FANCI: variants seen among roughly 807,000 people sequenced by gnomAD.
FANCI encodes FA complementation group I.
Under a neutral mutation model 176.1 loss-of-function variants are expected in FANCI, and 156 were observed. That is an observed-to-expected ratio of 0.89 (90% CI 0.78 to 1.01). FANCI has a LOEUF of 1.01. FANCI is among the 50% of genes least tolerant of loss of function. The pLI, the probability that FANCI is intolerant of heterozygous loss-of-function variation, is 0.00. For missense variants in FANCI, 1,678 were observed against 1,534.1 expected (o/e 1.09, Z -1.57); for synonymous variants, 613 against 541.7 (o/e 1.13, Z -1.83).
At chr15:89,248,208 G>T (rs553669930) in intron 2 of FANCI, among the ~76,000 whole-genome samples, 6 of 152,138 alleles carry the variant, frequency 3.9e-5, no homozygotes, top group Non-Finnish European at 7.4e-5. Context: ...TATAAAATGG[G>T]ATAGTAATTG....
In FANCI at chr15:89,305,124, T is replaced by C. The variant is rs1213457047; in HGVS notation, c.3068T>C (p.Leu1023Ser). The C allele has an allele frequency of 6.2e-7, 1 of 1,614,192 alleles. No homozygotes were observed. Among genetic ancestry groups the C allele is most frequent in the Non-Finnish European group, 8.5e-7 (1 of 1,180,032 alleles). ...ICKENSREDA[L>S]FCKSLMNLLF... ...TTCTTCCTATTCCTAGAGGATGCCT[T>C]GTTTTGCAAGAGCTTGATGAACTTG... Residue 1023 changes from leucine to serine, a missense_variant, in exon 29 of 38, where the codon TTG becomes TCG. Leu to Ser is a moderately radical substitution (Grantham distance 145, BLOSUM62 -2). Around this residue, in one of 3 missense-constraint regions of FANCI, gnomAD observed 1,204 missense variants for 1,077.4 expected, o/e 1.12. Coordinates refer to ENST00000310775, the MANE Select transcript of FANCI (RefSeq NM_001113378.2).
At chr15:89,314,382 C>T (rs2055113161) in intron 35 of FANCI, among the ~76,000 whole-genome samples, 1 of 152,202 alleles carries the variant, frequency 6.6e-6, no homozygotes, top group African/African-American at 2.4e-5. Context: ...TAGATAACAA[C>T]AAATACTGGA....
At chr15:89,307,194 AGGAAAAACAGCAAAGTTGTT>A (rs751834892) in intron 32 of FANCI, among the ~76,000 whole-genome samples, 57 of 152,244 alleles carry the variant, frequency 3.7e-4, no homozygotes, top group Non-Finnish European at 7.5e-4. Context: ...CATCTTTAAA[AGGAAAAACAGCAAAGTTGTT>A]GGTTTTTTAC....
Position 89,249,625 on chromosome 15 carries a change from C to T in FANCI, c.84+1894C>T, listed in dbSNP as rs142596305. On this transcript the variant is annotated intron_variant, in intron 2 of 37. Coordinates refer to ENST00000310775, the MANE Select transcript of FANCI (RefSeq NM_001113378.2). ...AGCCTCCCACAGTGCCGGGATTACA[C>T]GTGTGAGCCACTCTGCCTGACCTAG... Among the ~76,000 whole-genome samples, 982 of 152,186 alleles carry T rather than the reference C, an allele frequency of 6.5e-3. 9 individuals are homozygous for T. Among genetic ancestry groups the T allele is most frequent in the Middle Eastern group, 0.02 (6 of 294 alleles).
At position 89,316,616 on chromosome 15, in the gene FANCI, G is replaced by T. The variant is rs544746243; in HGVS notation, c.*157G>T. 2 of 1,097,392 alleles carry T rather than the reference G, an allele frequency of 1.8e-6. No individual in the cohort carries two copies. The highest frequency in any genetic ancestry group is 3.1e-5 in the African/African-American group (2 of 64,480). 68.0% of individuals were successfully genotyped at this position (1,097,392 alleles called of 1,614,324 possible). ...CCTTCAGTTAGAAGGAATCTTCTTG[G>T]CAGGTCCTGCTACTGAAAAATGGCT... On this transcript the variant is annotated 3_prime_UTR_variant, in exon 38 of 38. Transcript: ENST00000310775.
intron 31 of FANCI, 87 bp downstream of exon 31, chr15:89,305,785 G>A: frequency 7.2e-7 from 1 of 1,394,826 alleles, no homozygotes; most frequent in South Asian, 1.2e-5. Context: ...TGGAGCCCCT[G>A]AGCTAAATTT....
intron 24 of FANCI, among the ~76,000 whole-genome samples, chr15:89,299,194 A>G (rs1018498941): frequency 1.3e-5 from 2 of 151,742 alleles, no homozygotes; most frequent in East Asian, 3.9e-4. Flanking sequence ...AACCTGAGTA[A>G]TCTTATCTCT....
At chr15:89,255,011 C>G (rs775280916) in intron 2 of FANCI, among the ~76,000 whole-genome samples, 2 of 152,274 alleles carry the variant, frequency 1.3e-5, no homozygotes, top group African/African-American at 2.4e-5. Context: ...CTTATTCCAA[C>G]TCTCCCCAGT....
At position 89,307,481 on chromosome 15, in the gene FANCI, C is replaced by G. The variant is rs768252519; in HGVS notation, c.3543C>G (p.Leu1181=). The G allele has an allele frequency of 7.4e-6, 12 of 1,613,958 alleles. No homozygotes were observed. The East Asian group carries it at 2.7e-4, about 36-fold the overall frequency. The stretch of plus-strand genomic sequence containing the variant: ...TAGGAATCTTTTTTTATTAGTATCT[C>G]CAGGTGTGTCAGAGCTCCGGAGGAA... ...TTLTALVRYY[L]QVCQSSGGIP... The change falls in exon 33 of 38, where the codon CTC becomes CTG. Residue 1181 remains leucine, a synonymous_variant. Transcript: ENST00000310775.
In FANCI at chr15:89,273,375, A is replaced by T; in HGVS notation, c.883-2A>T. 1 of 1,524,618 alleles carries T rather than the reference A, an allele frequency of 6.6e-7. No individual in the cohort carries two copies. Among genetic ancestry groups the T allele is most frequent in the Non-Finnish European group, 9.1e-7 (1 of 1,101,220 alleles). 94.4% of individuals were successfully genotyped at this position (1,524,618 alleles called of 1,614,324 possible). A position where few individuals can be genotyped will look rare whatever the true frequency, so the allele number is the denominator to read the frequency against. On this transcript the variant is annotated splice_acceptor_variant, in intron 10 of 37. Transcript: ENST00000310775. LOFTEE classifies it high-confidence loss of function. Reference sequence around the variant, plus strand: ...GACTTCCTTTTGGTTGCTCTCTTCTAGGTAGGACAGCAAGGAGATTCCAAT... The same window carrying T: ...GACTTCCTTTTGGTTGCTCTCTTCTTGGTAGGACAGCAAGGAGATTCCAAT...
At chr15:89,312,827 A>AC in intron 34 of FANCI, 77 bp from the exon 35 acceptor site, 1 of 1,242,584 alleles carries the variant, frequency 8.0e-7, no homozygotes, top group East Asian at 2.5e-5. Context: ...AAAAAAAAAA[A>AC]AAAAAAAATT....
At chr15:89,249,314 AT>A (rs143138912) in intron 2 of FANCI, among the ~76,000 whole-genome samples, 1,736 of 152,322 alleles carry the variant, frequency 0.011, 30 homozygotes, top group African/African-American at 0.04. Flanking sequence ...TCTGAAAAAA[AT>A]CTTTAATTAT....
In FANCI at chr15:89,251,643, A is replaced by T. The variant is rs192009489; in HGVS notation, c.84+3912A>T. Among the ~76,000 whole-genome samples the T allele has an allele frequency of 5.3e-5, 8 of 152,274 alleles. No individual in the cohort carries two copies. The East Asian group carries it at 5.8e-4, about 11-fold the overall frequency. On this transcript the variant is annotated intron_variant, in intron 2 of 37. Transcript: ENST00000310775. ...GGGGACAGATTGCAACACCACATTT[A>T]AAAAAAGTACACCATGATCAAGTGG...
At chr15:89,310,153 A>G (rs938375679) in intron 34 of FANCI, among the ~76,000 whole-genome samples, 13 of 152,212 alleles carry the variant, frequency 8.5e-5, no homozygotes, top group African/African-American at 2.9e-4. Flanking sequence ...CTTTTTCTGT[A>G]AAGGGCCAGA....
At chr15:89,267,332 ATTTTT>A (rs1159827768) in intron 9 of FANCI, among the ~76,000 whole-genome samples, 2 of 94,738 alleles carry the variant, frequency 2.1e-5, no homozygotes, top group Non-Finnish European at 5.5e-5. Flanking sequence ...AAAAAAAAAA[ATTTTT>A]TTTTTTTTTT....
intron 24 of FANCI, among the ~76,000 whole-genome samples, chr15:89,297,106 C>G (rs1200295336): frequency 6.7e-6 from 1 of 149,722 alleles, no homozygotes; most frequent in Non-Finnish European, 1.5e-5. Context: ...CGGAGGGGCT[C>G]CTCACTTCTC....
At chr15:89,274,991 G>A (rs1439913952) in intron 12 of FANCI, among the ~76,000 whole-genome samples, 1 of 151,550 alleles carries the variant, frequency 6.6e-6, no homozygotes, top group Non-Finnish European at 1.5e-5. Flanking sequence ...TTATAGCACG[G>A]TAAAGCCTCA....
rs144346886 is a variant in FANCI, at chr15:89,316,771, G to T, written c.*312G>T. On this transcript the variant is annotated 3_prime_UTR_variant, in exon 38 of 38. Transcript: ENST00000310775. ...CAGTGCTATGGTCCAGGCTGGCTTC[G>T]TTTTTCCAAGGAGCCTTTGGTGAGT... 268 of 1,613,696 alleles carry T rather than the reference G, an allele frequency of 1.7e-4. 1 individual carries two copies. The African/African-American group carries it at 3.2e-3, about 19-fold the overall frequency.
At chr15:89,275,313 A>G (rs1185675719) in intron 12 of FANCI, among the ~76,000 whole-genome samples, 3 of 152,096 alleles carry the variant, frequency 2.0e-5, no homozygotes, top group African/African-American at 4.8e-5. Flanking sequence ...TTGGAATTCA[A>G]TTATTGATTA....
Sources: allele counts gnomAD v4.1 joint callset (sites outside exome capture counted in the v4.1 genomes callset), GRCh38; gene constraint gnomAD v4.1.1; regional missense constraint gnomAD v4.1.1; transcripts MANE v1.5; gene names NCBI Gene and HGNC (gene_info 2026-07-23, HGNC 2026-07-21).